QKI: variants seen among roughly 807,000 people sequenced by gnomAD.
QKI encodes the protein QKI, KH domain containing RNA binding.
In QKI, 10 loss-of-function variants were observed where a neutral mutation model predicts 39.0. The ratio of observed to expected loss-of-function variants is 0.26; its 90% CI spans 0.16 to 0.43. QKI has a LOEUF of 0.43. QKI is among the 20% of genes least tolerant of loss of function. The pLI, the probability that QKI is intolerant of heterozygous loss-of-function variation, is 1.00. For missense variants in QKI, 218 were observed against 428.0 expected, an observed-to-expected ratio of 0.51 and a Z score of 4.33; for synonymous variants, 204 against 155.4, an observed-to-expected ratio of 1.31 and a Z score of -2.33.
At chr6:163,473,238 A>G (rs1333424106) in intron 2 of QKI, among the ~76,000 whole-genome samples, 1 of 152,152 alleles carries the variant, frequency 6.6e-6, no homozygotes, top group South Asian at 2.1e-4. Flanking sequence ...TTCCCCAACA[A>G]GTTTTAGTCC....
chr6:163,538,456 C>G (rs1171377398), intron 4 of QKI, among the ~76,000 whole-genome samples: 1 of 151,978 alleles, frequency 6.6e-6, no homozygotes, highest in Admixed American at 6.6e-5. Flanking sequence ...CAGAGAGTAT[C>G]CAGGGGTCCA....
Position 163,489,424 on chromosome 6 carries a change from CTGTGTG to C in QKI, c.402+10556_402+10561del, listed in dbSNP as rs66826538. Among the ~76,000 whole-genome samples the C allele has an allele frequency of 2.2e-3, 335 of 149,034 alleles. 5 individuals are homozygous for C. Among genetic ancestry groups the C allele is most frequent in the African/African-American group, 6.3e-3 (255 of 40,254 alleles). On this transcript the variant is annotated intron_variant, in intron 3 of 7. Coordinates refer to ENST00000361752, the MANE Select transcript of QKI (RefSeq NM_006775.3). ...TAAAGGCACTTTCAAAGAAGTTATGCTGTGTGTGTGTGTGTGTGTGTGTGTGTGTGT... is the reference window on the plus strand; with the variant it reads ...TAAAGGCACTTTCAAAGAAGTTATGCTGTGTGTGTGTGTGTGTGTGTGTGT...
intron 3 of QKI, among the ~76,000 whole-genome samples, chr6:163,505,322 G>C (rs1779026039): frequency 1.3e-5 from 2 of 152,180 alleles, no homozygotes; most frequent in Admixed American, 1.3e-4. Context: ...TGGCCTAATG[G>C]AGCTATGAGA....
intron 1 of QKI, among the ~76,000 whole-genome samples, chr6:163,425,383 T>A (rs954448256): frequency 6.6e-6 from 1 of 152,220 alleles, no homozygotes; most frequent in Non-Finnish European, 1.5e-5. Flanking sequence ...TGGTGGGCCT[T>A]GAAGGCCAGA....
chr6:163,520,010 A>C (rs1769395073), intron 3 of QKI, among the ~76,000 whole-genome samples: 1 of 152,162 alleles, frequency 6.6e-6, no homozygotes, highest in African/African-American at 2.4e-5. Context: ...ACCCTTTGAA[A>C]ATACTTTCTT....
rs150114089 is a variant in QKI at position 163,504,711 on chromosome 6, T to C, written c.402+25815T>C. On this transcript the variant is annotated intron_variant, in intron 3 of 7. Coordinates refer to ENST00000361752, the MANE Select transcript of QKI (RefSeq NM_006775.3). ...TACATTGGTTTTGATCCTGAAACTTTACTGTGAAGTCATTTATCAGTTCCA... is the reference window on the plus strand; with the variant it reads ...TACATTGGTTTTGATCCTGAAACTTCACTGTGAAGTCATTTATCAGTTCCA... Among the ~76,000 whole-genome samples, 287 of 152,342 alleles carry C rather than the reference T, an allele frequency of 1.9e-3. 2 individuals are homozygous for C. Among genetic ancestry groups the C allele is most frequent in the Non-Finnish European group, 3.1e-3 (210 of 68,028 alleles).
chr6:163,458,336 A>G (rs1791086766), intron 2 of QKI, among the ~76,000 whole-genome samples: 2 of 152,344 alleles, frequency 1.3e-5, no homozygotes, highest in South Asian at 2.1e-4. Context: ...AAGAGTTAAT[A>G]TGAGTGAAGC....
chr6:163,573,083 T>C lies in QKI; in HGVS notation c.*2373T>C, dbSNP rs1169615032. 1 of 152,152 alleles carries C rather than the reference T, an allele frequency of 6.6e-6. No individual in the cohort carries two copies. Among genetic ancestry groups the C allele is most frequent in the Non-Finnish European group, 1.5e-5 (1 of 68,030 alleles). The allele number at this position is 152,152 out of a possible 1,614,324, so 9.4% of individuals were successfully genotyped here. A position where few individuals can be genotyped will look rare whatever the true frequency, so the allele number is the denominator to read the frequency against. On this transcript the variant is annotated 3_prime_UTR_variant, in exon 8 of 8. Transcript: ENST00000361752. ...ATTTTAGATGTTTATCAAAGGTCTT[T>C]TATGGGGAAGAAAGTAAATGTATGA...
chr6:163,477,866 A>G (rs915106694), intron 2 of QKI, among the ~76,000 whole-genome samples: 2 of 152,218 alleles, frequency 1.3e-5, no homozygotes, highest in African/African-American at 4.8e-5. Context: ...CTTTTATGTA[A>G]TGATATACTA....
intron 3 of QKI, among the ~76,000 whole-genome samples, chr6:163,481,115 CAAAA>C (rs1308373970): frequency 6.6e-6 from 1 of 151,880 alleles, no homozygotes; most frequent in Non-Finnish European, 1.5e-5. Context: ...GAGATGGAAA[CAAAA>C]AGAAGTATTG....
intron 6 of QKI, chr6:163,564,759 T>C: frequency 6.2e-7 from 1 of 1,613,362 alleles, no homozygotes; most frequent in Non-Finnish European, 8.5e-7. Context: ...ACACGACCAG[T>C]CAATGTGGAA....
intron 1 of QKI, among the ~76,000 whole-genome samples, chr6:163,424,160 G>C (rs9458825): frequency 0.079 from 11,977 of 152,132 alleles, 528 homozygotes; most frequent in Middle Eastern, 0.12. Context: ...ATATCCCTTT[G>C]ATACAGTTGT....
intron 3 of QKI, among the ~76,000 whole-genome samples, chr6:163,489,290 C>T (rs1489068698): frequency 1.3e-5 from 2 of 151,760 alleles, no homozygotes; most frequent in African/African-American, 4.8e-5. Flanking sequence ...TGCTAAATTC[C>T]TCCGTCTTAG....
chr6:163,463,621 G>C (rs1791502720), intron 2 of QKI, among the ~76,000 whole-genome samples: 1 of 152,060 alleles, frequency 6.6e-6, no homozygotes, highest in Non-Finnish European at 1.5e-5. Context: ...TGATATAACT[G>C]GATAATAAGC....
intron 1 of QKI, among the ~76,000 whole-genome samples, chr6:163,447,394 C>G (rs1173042324): frequency 6.6e-6 from 1 of 151,826 alleles, no homozygotes; most frequent in African/African-American, 2.4e-5. Flanking sequence ...TTGAAATATA[C>G]AATGTATTAG....
intron 3 of QKI, among the ~76,000 whole-genome samples, chr6:163,533,549 C>T (rs1297057904): frequency 6.6e-6 from 1 of 152,162 alleles, no homozygotes; most frequent in Non-Finnish European, 1.5e-5. Context: ...TCTTGTTCCA[C>T]ATTGATTTTT....
At chr6:163,459,227 AC>A (rs1791164694) in intron 2 of QKI, among the ~76,000 whole-genome samples, 1 of 152,228 alleles carries the variant, frequency 6.6e-6, no homozygotes. Flanking sequence ...TCCAAGCCAA[AC>A]TGCATAAGCA....
chr6:163,469,116 A>AT (rs1583043386), intron 2 of QKI, among the ~76,000 whole-genome samples: 1 of 152,158 alleles, frequency 6.6e-6, no homozygotes, highest in African/African-American at 2.4e-5. Flanking sequence ...ATTTAATGTG[A>AT]TTTTAACTGC....
At chr6:163,499,304 G>A (rs1778602519) in intron 3 of QKI, among the ~76,000 whole-genome samples, 1 of 152,118 alleles carries the variant, frequency 6.6e-6, no homozygotes, top group Non-Finnish European at 1.5e-5. Context: ...GGACCAATTT[G>A]TAATATTTAG....
Sources: gnomAD v4.1 joint callset for allele counts (sites outside exome capture counted in the v4.1 genomes callset) on GRCh38, gnomAD v4.1.1 for gene constraint, MANE v1.5 for transcripts, NCBI Gene and HGNC (gene_info 2026-07-23, HGNC 2026-07-21) for gene names.